Variants in RBFOX1 observed in about 807,000 individuals in gnomAD.
The protein encoded by RBFOX1 is RNA binding protein fox-1 homolog 1.
A neutral mutation model predicts 57.7 loss-of-function variants in RBFOX1; 8 were observed. The ratio of observed to expected loss-of-function variants is 0.14; its 90% CI spans 0.08 to 0.25. The LOEUF is 0.25. Ranked by LOEUF, RBFOX1 falls within the 10% of genes least tolerant of loss-of-function variation. RBFOX1 has a pLI of 1.00. For missense variants in RBFOX1, 611 were observed against 548.5 expected, an observed-to-expected ratio of 1.11 and a Z score of -1.14; for synonymous variants, 326 against 222.4, an observed-to-expected ratio of 1.47 and a Z score of -4.15.
intron 1 of RBFOX1, among the ~76,000 whole-genome samples, chr16:6,260,885 A>C (rs1021003469): frequency 2.0e-5 from 3 of 152,212 alleles, no homozygotes; most frequent in African/African-American, 7.2e-5. Flanking sequence ...TGTCTCAAAA[A>C]AAAGGAAAGA....
chr16:7,072,434 T>C (rs1598720282), intron 4 of RBFOX1, among the ~76,000 whole-genome samples: 2 of 152,316 alleles, frequency 1.3e-5, no homozygotes, highest in Non-Finnish European at 2.9e-5. Context: ...TTGACTCCTC[T>C]TAAGGGTAAG....
intron 2 of RBFOX1, among the ~76,000 whole-genome samples, chr16:6,591,144 C>A (rs1379803351): frequency 6.6e-6 from 1 of 152,150 alleles, no homozygotes; most frequent in African/African-American, 2.4e-5. Context: ...ACAATAAATA[C>A]ATTCATAATT....
At chr16:7,551,884 C>A (rs775325594) in intron 5 of RBFOX1, among the ~76,000 whole-genome samples, 3 of 152,116 alleles carry the variant, frequency 2.0e-5, no homozygotes, top group Non-Finnish European at 4.4e-5. Context: ...AAGAAGTGCA[C>A]ATTTCTGTAT....
At chr16:7,147,387 C>A (rs12921393) in intron 4 of RBFOX1, among the ~76,000 whole-genome samples, 1 of 150,716 alleles carries the variant, frequency 6.6e-6, no homozygotes, top group African/African-American at 2.4e-5. Flanking sequence ...CTGCATGTTC[C>A]TGAAGTTTGG....
In RBFOX1 at chr16:6,888,560, C is replaced by T. The variant is rs372815900; in HGVS notation, c.-15-163497C>T. Among the ~76,000 whole-genome samples the T allele has an allele frequency of 9.4e-4, 143 of 151,936 alleles. 4 individuals carry two copies. The South Asian group carries it at 0.026, about 28-fold the overall frequency. ...CACATTGTTTTTACTTGCTGTTTGT[C>T]CTCTGGGTAAAATATTGTGTCCGTA... On this transcript the variant is annotated intron_variant, in intron 3 of 15. Transcript: ENST00000550418.
intron 1 of RBFOX1, among the ~76,000 whole-genome samples, chr16:6,296,140 G>A (rs1389876907): frequency 1.3e-5 from 2 of 152,152 alleles, no homozygotes; most frequent in Non-Finnish European, 2.9e-5. Context: ...GGGCACGGTT[G>A]GAAGGTCCCT....
chr16:7,712,518 C>G lies in RBFOX1; in HGVS notation c.*1773C>G, dbSNP rs185649958. 2 of 152,478 alleles carry G rather than the reference C, an allele frequency of 1.3e-5. No individual in the cohort carries two copies. The highest frequency in any genetic ancestry group is 4.8e-5 in the African/African-American group (2 of 41,368). 9.4% of individuals were successfully genotyped at this position (152,478 alleles called of 1,614,324 possible). On this transcript the variant is annotated 3_prime_UTR_variant, in exon 16 of 16. Coordinates refer to ENST00000550418, the MANE Select transcript of RBFOX1 (RefSeq NM_018723.4). ...TTTGAAAACAAAGTTTCTGTAGCTT[C>G]GATACCTAAGACAGACGATAGTGAT...
intron 3 of RBFOX1, among the ~76,000 whole-genome samples, chr16:6,736,665 G>T (rs2070399397): frequency 6.6e-6 from 1 of 152,166 alleles, no homozygotes; most frequent in African/African-American, 2.4e-5. Flanking sequence ...TTTCATCTGG[G>T]TAGATACCCA....
chr16:7,275,910 T>A (rs1164322549), intron 4 of RBFOX1, among the ~76,000 whole-genome samples: 1 of 152,190 alleles, frequency 6.6e-6, no homozygotes, highest in East Asian at 1.9e-4. Context: ...AGACTTGGTG[T>A]TGCTGACTCC....
At chr16:7,079,519 T>A (rs377574528) in intron 4 of RBFOX1, among the ~76,000 whole-genome samples, 1 of 152,218 alleles carries the variant, frequency 6.6e-6, no homozygotes, top group Admixed American at 6.5e-5. Flanking sequence ...CTTTGTCAAG[T>A]TCAGATTGTA....
At chr16:7,257,160 A>G (rs1290289420) in intron 4 of RBFOX1, among the ~76,000 whole-genome samples, 1 of 152,136 alleles carries the variant, frequency 6.6e-6, no homozygotes, top group African/African-American at 2.4e-5. Context: ...TTTCCGGTCC[A>G]ACTGTTTCTC....
intron 3 of RBFOX1, among the ~76,000 whole-genome samples, chr16:7,044,317 T>C (rs748903786): frequency 2.6e-5 from 4 of 152,128 alleles, no homozygotes; most frequent in African/African-American, 4.8e-5. Context: ...GCAGAGCCAG[T>C]CTGATGTGTG....
At chr16:6,996,109 A>C (rs2092209855) in intron 3 of RBFOX1, among the ~76,000 whole-genome samples, 1 of 152,196 alleles carries the variant, frequency 6.6e-6, no homozygotes, top group African/African-American at 2.4e-5. Context: ...ATTAGTTTTC[A>C]TGTCAAGAAC....
At chr16:6,547,740 G>A (rs1325938824) in intron 2 of RBFOX1, among the ~76,000 whole-genome samples, 2 of 151,182 alleles carry the variant, frequency 1.3e-5, no homozygotes, top group East Asian at 1.9e-4. Flanking sequence ...GATACATTTC[G>A]TTTAGACCAG....
intron 4 of RBFOX1, among the ~76,000 whole-genome samples, chr16:5,924,183 C>A (rs2058894642): frequency 6.6e-6 from 1 of 152,140 alleles, no homozygotes; most frequent in Admixed American, 6.5e-5. Flanking sequence ...TGTAAGTTTC[C>A]TGAGGCCTCC....
At chr16:5,907,517 G>A (rs1239588952) in intron 4 of RBFOX1, among the ~76,000 whole-genome samples, 1 of 152,090 alleles carries the variant, frequency 6.6e-6, no homozygotes, top group African/African-American at 2.4e-5. Context: ...ATGGAGAACA[G>A]GGGCTTGTCT....
chr16:5,742,875 G>C (rs1472781103), intron 3 of RBFOX1, among the ~76,000 whole-genome samples: 1 of 152,232 alleles, frequency 6.6e-6, no homozygotes, highest in Non-Finnish European at 1.5e-5. Context: ...TGGGCCGAGA[G>C]ATGGATCTGG....
intron 4 of RBFOX1, among the ~76,000 whole-genome samples, chr16:7,090,261 G>A (rs1414918724): frequency 3.9e-5 from 6 of 152,168 alleles, no homozygotes; most frequent in Admixed American, 1.3e-4. Context: ...GTTTACTCCT[G>A]TCATTGTTTC....
chr16:7,512,917 A>G (rs1484773737), intron 4 of RBFOX1, among the ~76,000 whole-genome samples: 3 of 152,330 alleles, frequency 2.0e-5, no homozygotes, highest in Non-Finnish European at 2.9e-5. Flanking sequence ...TAACACACCA[A>G]CAGCTAAACA....
Sources: gnomAD v4.1 joint callset for allele counts (sites outside exome capture counted in the v4.1 genomes callset) on GRCh38, gnomAD v4.1.1 for gene constraint, MANE v1.5 for transcripts, NCBI Gene and HGNC (gene_info 2026-07-23, HGNC 2026-07-21) for gene names.